Variants in TMEM266 observed in about 807,000 individuals in gnomAD.
The protein encoded by TMEM266 is transmembrane protein 266, also known as Hv1 related protein 1.
Under a neutral mutation model 50.5 loss-of-function variants are expected in TMEM266, and 33 were observed. The observed-to-expected ratio is 0.65, with a 90% CI of 0.50 to 0.87. TMEM266 has a LOEUF of 0.87. Among genes scored for constraint, TMEM266 ranks in the 40% least tolerant of loss-of-function variants. TMEM266 has a pLI of 0.00. For missense variants in TMEM266, 655 were observed against 695.1 expected (o/e 0.94, Z 0.65); for synonymous variants, 310 against 292.3 (o/e 1.06, Z -0.62).
chr15:76,193,079 T>C (rs147651962), intron 9 of TMEM266, among the ~76,000 whole-genome samples: 3 of 152,326 alleles, frequency 2.0e-5, no homozygotes, highest in African/African-American at 7.2e-5. Flanking sequence ...ACTCCTCAGC[T>C]CCATGACTGG....
At chr15:76,097,429 T>G (rs908595677) in intron 1 of TMEM266, among the ~76,000 whole-genome samples, 1 of 152,102 alleles carries the variant, frequency 6.6e-6, no homozygotes. Context: ...TTAATAATGT[T>G]GAATATTGGT....
In TMEM266 at chr15:76,153,807, C is replaced by T. The variant is rs1462305569; in HGVS notation, c.228-2797C>T. 1.2e-4 allele frequency among the ~76,000 whole-genome samples: 18 copies of T among 152,070 alleles called. No homozygotes were observed. Among genetic ancestry groups the T allele is most frequent in the Non-Finnish European group, 1.5e-5 (1 of 67,998 alleles). On this transcript the variant is annotated intron_variant, in intron 3 of 10. Coordinates refer to ENST00000388942, the MANE Select transcript of TMEM266 (RefSeq NM_152335.3). This position sits in a 1 kb window ranked among gnomAD's most constrained non-coding sequence, Gnocchi z 4.2. Reference sequence around the variant, plus strand: ...AAGAATCAGGAGGTGAGGAGGGTGGCCAAGTGATGATAGCCAAAGATATCT... The same window carrying T: ...AAGAATCAGGAGGTGAGGAGGGTGGTCAAGTGATGATAGCCAAAGATATCT...
At chr15:76,195,762 A>C (rs937947537) in intron 9 of TMEM266, among the ~76,000 whole-genome samples, 1 of 152,230 alleles carries the variant, frequency 6.6e-6, no homozygotes, top group Admixed American at 6.5e-5. Flanking sequence ...CTTTAGAGCT[A>C]ACAGCACAGC....
At chr15:76,100,151 A>G (rs1474490048) in intron 1 of TMEM266, among the ~76,000 whole-genome samples, 11 of 152,280 alleles carry the variant, frequency 7.2e-5, no homozygotes, top group Non-Finnish European at 1.5e-5. Context: ...TCTAGAGGGC[A>G]GGAGATACTC....
intron 8 of TMEM266, among the ~76,000 whole-genome samples, chr15:76,190,832 A>T (rs2038556379): frequency 6.6e-6 from 1 of 151,998 alleles, no homozygotes; most frequent in African/African-American, 2.4e-5. Flanking sequence ...CGGCATTGGT[A>T]AGTAGGTGAC....
At chr15:76,128,674 T>G (rs2037459763) in intron 1 of TMEM266, among the ~76,000 whole-genome samples, 1 of 152,240 alleles carries the variant, frequency 6.6e-6, no homozygotes. Flanking sequence ...CCCATCGTCA[T>G]AGGGAATTTT....
chr15:76,131,180 C>T (rs891052203), intron 1 of TMEM266, among the ~76,000 whole-genome samples: 3 of 152,168 alleles, frequency 2.0e-5, no homozygotes, highest in African/African-American at 7.2e-5. Flanking sequence ...AGTTCGAGAC[C>T]AACCTGGCCA....
intron 1 of TMEM266, among the ~76,000 whole-genome samples, chr15:76,124,412 G>A (rs559900570): frequency 7.9e-5 from 12 of 152,208 alleles, no homozygotes; most frequent in Admixed American, 3.9e-4. Context: ...TAAGTAGAAC[G>A]ATATCCTATG....
chr15:76,182,285 T>C (rs1306802198), intron 8 of TMEM266, among the ~76,000 whole-genome samples: 4 of 152,096 alleles, frequency 2.6e-5, no homozygotes, highest in Admixed American at 6.6e-5. Flanking sequence ...CTACATCGTG[T>C]GGATGCCATA....
chr15:76,075,487 A>T (rs185307656), intron 1 of TMEM266, among the ~76,000 whole-genome samples: 6 of 152,280 alleles, frequency 3.9e-5, no homozygotes, highest in African/African-American at 1.4e-4. Context: ...TATGAAGGTC[A>T]TGGCTTATGT....
intron 1 of TMEM266, among the ~76,000 whole-genome samples, chr15:76,086,524 CAG>C (rs764325069): frequency 6.6e-6 from 1 of 152,098 alleles, no homozygotes; most frequent in Non-Finnish European, 1.5e-5. Flanking sequence ...GCAACAAAAG[CAG>C]AGATTTGTTA....
intron 1 of TMEM266, among the ~76,000 whole-genome samples, chr15:76,087,036 A>G (rs2036787876): frequency 6.6e-6 from 1 of 152,090 alleles, no homozygotes; most frequent in Non-Finnish European, 1.5e-5. Flanking sequence ...AGTCAGCATG[A>G]ATTGGCCTTA....
intron 1 of TMEM266, among the ~76,000 whole-genome samples, chr15:76,120,573 C>A (rs1248344883): frequency 1.3e-5 from 2 of 151,878 alleles, no homozygotes; most frequent in Admixed American, 1.3e-4. Flanking sequence ...CCAGCCTGGG[C>A]AACATGGCGA....
chr15:76,196,397 AAC>A (rs1363531091), intron 9 of TMEM266, among the ~76,000 whole-genome samples: 15 of 152,170 alleles, frequency 9.9e-5, no homozygotes, highest in Admixed American at 1.3e-4. Context: ...GCTGGCGAGG[AAC>A]ACACATGATT....
At chr15:76,186,388 C>T (rs34124486) in intron 8 of TMEM266, among the ~76,000 whole-genome samples, 3,851 of 152,310 alleles carry the variant, frequency 0.025, 84 homozygotes, top group Non-Finnish European at 0.036. Context: ...TCCTGAAGTT[C>T]CCCTGGGCTG....
At chr15:76,124,839 A>G (rs1185385141) in intron 1 of TMEM266, among the ~76,000 whole-genome samples, 1 of 152,180 alleles carries the variant, frequency 6.6e-6, no homozygotes, top group African/African-American at 2.4e-5. Flanking sequence ...CAGAAAAAAA[A>G]AAATTCCTAA....
intron 8 of TMEM266, among the ~76,000 whole-genome samples, chr15:76,180,607 CTTTTTTTT>C (rs59287886): frequency 2.4e-4 from 15 of 63,170 alleles, no homozygotes; most frequent in South Asian, 9.1e-4. Context: ...TCATCTTAAG[CTTTTTTTT>C]TTTTTTTTTT....
chr15:76,090,511 GAGAA>G (rs1162352640), intron 1 of TMEM266, among the ~76,000 whole-genome samples: 155 of 129,408 alleles, frequency 1.2e-3, no homozygotes, highest in Non-Finnish European at 2.2e-3. Flanking sequence ...AAAAAAAAAA[GAGAA>G]AAAGAAAAAA....
At chr15:76,157,918 G>A (rs886598498) in intron 4 of TMEM266, among the ~76,000 whole-genome samples, 15 of 152,120 alleles carry the variant, frequency 9.9e-5, no homozygotes, top group African/African-American at 3.1e-4. Context: ...AGCCTGGGAG[G>A]TCAAGGCTGC....
Sources: gnomAD v4.1 joint callset for allele counts (sites outside exome capture counted in the v4.1 genomes callset) on GRCh38, gnomAD v4.1.1 for gene constraint, Gnocchi (gnomAD v3.1) non-coding constraint, MANE v1.5 for transcripts, NCBI Gene and HGNC (gene_info 2026-07-23, HGNC 2026-07-21) for gene names.